Variants in SPIC observed in about 807,000 individuals in gnomAD.
SPIC encodes the protein Spi-C transcription factor.
In SPIC, 9 loss-of-function variants were observed where a neutral mutation model predicts 16.7. That is an observed-to-expected ratio of 0.54 (90% confidence interval 0.33 to 0.94). The LOEUF is 0.94. Ranked by LOEUF, SPIC falls within the 40% of genes least tolerant of loss-of-function variation. The pLI, the probability that SPIC is intolerant of heterozygous loss-of-function variation, is 0.03. For missense variants in SPIC, 241 were observed against 285.8 expected, an observed-to-expected ratio of 0.84 and a Z score of 1.13; for synonymous variants, 97 against 102.9, an observed-to-expected ratio of 0.94 and a Z score of 0.35.
At chr12:101,482,585 C>A (rs962325806) in intron 4 of SPIC, among the ~76,000 whole-genome samples, 3 of 152,042 alleles carry the variant, frequency 2.0e-5, no homozygotes, top group Non-Finnish European at 4.4e-5. Flanking sequence ...CTCACAAAGC[C>A]AAGGATTACC....
intron 2 of SPIC, among the ~76,000 whole-genome samples, chr12:101,477,144 GCC>G (rs1294082401): frequency 6.6e-6 from 1 of 151,920 alleles, no homozygotes; most frequent in Non-Finnish European, 1.5e-5. Flanking sequence ...TATTTCCTTG[GCC>G]CTTTTTTTCT....
At chr12:101,476,716 T>A (rs1429877244) in intron 1 of SPIC, 112 bp from the exon 2 acceptor site, 4 of 373,106 alleles carry the variant, frequency 1.1e-5, no homozygotes. Context: ...ATTCAGGAGG[T>A]ACTCTTGGTT....
intron 2 of SPIC, 89 bp downstream of exon 2, chr12:101,476,996 T>C (rs772942277): frequency 4.4e-6 from 3 of 689,224 alleles, no homozygotes; most frequent in Non-Finnish European, 4.4e-6. Flanking sequence ...TTACTCTCCC[T>C]CCATTTTAAA....
At position 101,479,582 on chromosome 12, in the gene SPIC, A is replaced by G; in HGVS notation, c.98A>G (p.Asp33Gly). The part of the protein sequence containing the change: ...HSTGDLQYSP[D>G]YRNYLALINH... ...GTTTCTTTCTCTGATTTAAAATTAG[A>G]TTACAGAAATTACCTGGCTTTAATC... The change falls in exon 4 of 6, where the codon GAT (aspartate) becomes GGT (glycine). Residue 33 changes from aspartate (D) to glycine (G), a missense_variant and splice_region_variant. Asp to Gly is a moderately conservative substitution (Grantham distance 94). Transcript: ENST00000551346. The G allele has an allele frequency of 6.2e-7, 1 of 1,608,966 alleles. No homozygotes were observed. The highest frequency in any genetic ancestry group is 8.5e-7 in the Non-Finnish European group (1 of 1,177,888).
chr12:101,485,928 C>T (rs759904151), intron 5 of SPIC, among the ~76,000 whole-genome samples: 2 of 152,142 alleles, frequency 1.3e-5, no homozygotes, highest in Non-Finnish European at 2.9e-5. Context: ...CTCAGCCTCC[C>T]GAGTAGCTGG....
chr12:101,479,868 G>T (rs1243959226), intron 4 of SPIC, among the ~76,000 whole-genome samples, 174 bp downstream of exon 4: 1 of 151,270 alleles, frequency 6.6e-6, no homozygotes, highest in African/African-American at 2.4e-5. Flanking sequence ...CCAGGCTGGG[G>T]TTCAGTAGCT....
At chr12:101,484,146 T>C (rs1379028615) in intron 5 of SPIC, among the ~76,000 whole-genome samples, 2 of 152,010 alleles carry the variant, frequency 1.3e-5, no homozygotes, top group African/African-American at 4.8e-5. Context: ...CTAGAAAGCT[T>C]TTTTTAAAAA....
In SPIC at chr12:101,486,950, A is replaced by G. The variant is rs565704593; in HGVS notation, c.*179A>G. ...GCTTTTATCAAAGAGTATGTAATCT[A>G]TACTAACTTGTTGGGAAATTCTGCC... On this transcript the variant is annotated 3_prime_UTR_variant, in exon 6 of 6. Transcript: ENST00000551346. The G allele has an allele frequency of 8.8e-6, 4 of 456,204 alleles. No individual in the cohort carries two copies. The highest frequency in any genetic ancestry group is 5.9e-5 in the African/African-American group (3 of 50,598). The allele number at this position is 456,204 out of a possible 1,614,324, so 28.3% of individuals were successfully genotyped here.
intron 5 of SPIC, among the ~76,000 whole-genome samples, chr12:101,485,162 A>T (rs1465296188): frequency 6.6e-6 from 1 of 152,256 alleles, no homozygotes; most frequent in Non-Finnish European, 1.5e-5. Context: ...GACTGTTTAA[A>T]GCAGTTTGGG....
intron 4 of SPIC, among the ~76,000 whole-genome samples, chr12:101,480,910 A>G (rs1873168265): frequency 6.6e-6 from 1 of 152,182 alleles, no homozygotes; most frequent in South Asian, 2.1e-4. Context: ...TTGCCAGGTA[A>G]AATGCAAGAT....
intron 3 of SPIC, among the ~76,000 whole-genome samples, chr12:101,478,039 T>C (rs1160845305): frequency 6.7e-6 from 1 of 149,984 alleles, no homozygotes; most frequent in Non-Finnish European, 1.5e-5. Flanking sequence ...TTTTCTTTTT[T>C]TTTTTTTTTT....
In SPIC at chr12:101,486,522, C is replaced by T. The variant is rs770336342; in HGVS notation, c.498C>T (p.Tyr166=). 1.2e-6 allele frequency: 2 copies of T among 1,614,150 alleles called. No individual in the cohort carries two copies. Among genetic ancestry groups the T allele is most frequent in the African/African-American group, 1.3e-5 (1 of 75,032 alleles). Reference sequence around the variant, plus strand: ...AAGGCAACAGGAAGACCATGACTTACCAGAAAATGGCCAGGGCACTCAGAA... The same window carrying T: ...AAGGCAACAGGAAGACCATGACTTATCAGAAAATGGCCAGGGCACTCAGAA... ...KRKGNRKTMT[Y]QKMARALRNY... is the part of the protein sequence containing the mutation. The change falls in exon 6 of 6, where the codon TAC becomes TAT. Residue 166 remains tyrosine, a synonymous_variant. Transcript: ENST00000551346.
chr12:101,483,153 A>C (rs192291549), intron 5 of SPIC, among the ~76,000 whole-genome samples: 185 of 144,648 alleles, frequency 1.3e-3, no homozygotes, highest in Non-Finnish European at 2.1e-3. Context: ...AAACTCCTGG[A>C]CTCAAGCCAT....
Position 101,476,844 on chromosome 12 carries a change from T to G in SPIC, c.-61T>G. 2 of 1,189,734 alleles carry G rather than the reference T, an allele frequency of 1.7e-6. No homozygotes were observed. Among genetic ancestry groups the G allele is most frequent in the Non-Finnish European group, 2.3e-6 (2 of 872,616 alleles). 73.7% of individuals were successfully genotyped at this position (1,189,734 alleles called of 1,614,324 possible). A position where few individuals can be genotyped will look rare whatever the true frequency, so the allele number is the denominator to read the frequency against. ...CTTTTTCAGGATTGTCAACTTATTT[T>G]ATTTTATTTTCTTCAAGCAACAATT... On this transcript the variant is annotated 5_prime_UTR_variant, in exon 2 of 6. Coordinates refer to ENST00000551346, the MANE Select transcript of SPIC (RefSeq NM_152323.3).
At position 101,477,578 on chromosome 12, in the gene SPIC, G is replaced by A. The variant is rs761616183; in HGVS notation, c.24G>A (p.Lys8=). The change falls in exon 3 of 6, where the codon AAG becomes AAA. Residue 8 remains lysine (K), a synonymous_variant. Transcript: ENST00000551346. MTCVEQD[K]LGQAFEDAFE... ...AACAGACGTGTGTTGAACAAGACAA[G>A]CTGGGTCAAGCATTTGAAGATGCTT... 3.1e-6 allele frequency: 5 copies of A among 1,613,972 alleles called. No homozygotes were observed. In the African/African-American group the frequency reaches 5.3e-5, roughly 17 times the overall value.
intron 5 of SPIC, 37 bp downstream of exon 5, chr12:101,482,937 A>G: frequency 6.4e-7 from 1 of 1,558,122 alleles, no homozygotes; most frequent in South Asian, 1.1e-5. Context: ...AGGTAAAAGA[A>G]CCAGATCTTC....
chr12:101,482,675 T>C, intron 4 of SPIC, 117 bp from the exon 5 acceptor site: 1 of 930,570 alleles, frequency 1.1e-6, no homozygotes, highest in Non-Finnish European at 1.6e-6. Context: ...TTGGGGGTAA[T>C]TCCTTTTGCA....
chr12:101,476,157 G>A (rs1396518204), intron 1 of SPIC, among the ~76,000 whole-genome samples: 1 of 152,168 alleles, frequency 6.6e-6, no homozygotes, highest in East Asian at 1.9e-4. Context: ...TATTATGTGG[G>A]TTGGTTTTTG....
At position 101,483,086 on chromosome 12, in the gene SPIC, G is replaced by GTTTTTT. The variant is rs58442228; in HGVS notation, c.319+198_319+203dup. Among the ~76,000 whole-genome samples, 29 of 129,094 alleles carry GTTTTTT rather than the reference G, an allele frequency of 2.2e-4. 1 individual carries two copies. Among genetic ancestry groups the GTTTTTT allele is most frequent in the Non-Finnish European group, 2.8e-4 (17 of 61,696 alleles). The allele number at this position is 129,094 out of a possible 152,430, so 84.7% of individuals were successfully genotyped here. On this transcript the variant is annotated intron_variant, in intron 5 of 5. Transcript: ENST00000551346. ...ATTCATCTTGGGTGAGACTTCCTGT[G>GTTTTTT]TTTTTTTTTTTTTTTTTCTGAGACA...
Sources: gnomAD v4.1 joint callset for allele counts (sites outside exome capture counted in the v4.1 genomes callset) on GRCh38, gnomAD v4.1.1 for gene constraint, MANE v1.5 for transcripts, NCBI Gene and HGNC (gene_info 2026-07-23, HGNC 2026-07-21) for gene names.